Variants in GFRA2 observed in about 807,000 individuals in gnomAD.
GFRA2 encodes GDNF family receptor alpha-2.
Under a neutral mutation model 48.3 loss-of-function variants are expected in GFRA2, and 17 were observed. That is an observed-to-expected ratio of 0.35 (90% CI 0.24 to 0.53). The LOEUF is 0.53. Ranked by LOEUF, GFRA2 falls within the 20% of genes least tolerant of loss-of-function variation. The probability of loss-of-function intolerance (pLI) is 0.93; values close to 1 mark genes in which losing one functional copy is unlikely to be tolerated. For missense variants in GFRA2, 660 were observed against 637.3 expected (o/e 1.04, Z -0.38); for synonymous variants, 305 against 257.2 (o/e 1.19, Z -1.78).
intron 4 of GFRA2, among the ~76,000 whole-genome samples, chr8:21,736,048 C>T (rs1484249133): frequency 6.6e-6 from 1 of 152,258 alleles, no homozygotes; most frequent in African/African-American, 2.4e-5. Flanking sequence ...CTCCTCCCTT[C>T]ACCTTGGGAA....
intron 3 of GFRA2, among the ~76,000 whole-genome samples, chr8:21,761,667 T>G (rs1474677215): frequency 6.6e-6 from 1 of 152,230 alleles, no homozygotes; most frequent in Non-Finnish European, 1.5e-5. Context: ...AGGTGTCACC[T>G]GGCTGGGTGC....
chr8:21,715,645 C>T (rs1361794782), intron 4 of GFRA2, among the ~76,000 whole-genome samples: 11 of 151,714 alleles, frequency 7.3e-5, no homozygotes, highest in South Asian at 2.1e-4. Flanking sequence ...TGGGAAGCCA[C>T]GGCACCCCTT....
At chr8:21,763,362 T>A (rs1302164959) in intron 3 of GFRA2, among the ~76,000 whole-genome samples, 2 of 152,060 alleles carry the variant, frequency 1.3e-5, no homozygotes, top group Non-Finnish European at 2.9e-5. Context: ...TCCTGGGAAG[T>A]TCATGTCATC....
At chr8:21,767,439 G>A (rs368394145) in intron 3 of GFRA2, among the ~76,000 whole-genome samples, 21 of 152,250 alleles carry the variant, frequency 1.4e-4, no homozygotes, top group Non-Finnish European at 1.5e-5. Flanking sequence ...GTTCCTCACC[G>A]TGCACGGGGG....
At chr8:21,755,079 C>T (rs1037323076) in intron 3 of GFRA2, among the ~76,000 whole-genome samples, 5 of 151,992 alleles carry the variant, frequency 3.3e-5, no homozygotes, top group African/African-American at 1.2e-4. Flanking sequence ...GGGAGGAAGA[C>T]GCAGAGCATG....
intron 1 of GFRA2, chr8:21,783,133 G>A (rs1807096385): frequency 2.2e-5 from 15 of 679,060 alleles, no homozygotes; most frequent in African/African-American, 3.5e-5. Context: ...CCTCAGCAGC[G>A]GCCCTGGGCC....
chr8:21,704,965 G>T lies in GFRA2; in HGVS notation c.1045+20C>A, dbSNP rs1802665914. 3 of 1,596,330 alleles carry T rather than the reference G, an allele frequency of 1.9e-6. No individual in the cohort carries two copies. The highest frequency in any genetic ancestry group is 1.7e-6 in the Non-Finnish European group (2 of 1,168,082). ...GGGTGGGAGGGGCTGCTGGGGTTGG[G>T]GAGAACATCCAGAACTTACGGAGGC... On this transcript the variant is annotated intron_variant, in intron 6 of 8. Coordinates refer to ENST00000524240, the MANE Select transcript of GFRA2 (RefSeq NM_001495.5).
chr8:21,730,489 C>T (rs560080536), intron 4 of GFRA2, among the ~76,000 whole-genome samples: 1 of 152,296 alleles, frequency 6.6e-6, no homozygotes, highest in East Asian at 1.9e-4. Flanking sequence ...AAGGTCACTC[C>T]TCGGCCCCTA....
At chr8:21,745,096 G>A (rs923410838) in intron 4 of GFRA2, among the ~76,000 whole-genome samples, 16 of 152,226 alleles carry the variant, frequency 1.1e-4, no homozygotes, top group East Asian at 3.8e-4. Context: ...ACACTTTATC[G>A]CTGGTGACAT....
chr8:21,802,776 G>A (rs917262090), intron 2 of GFRA2, among the ~76,000 whole-genome samples: 1 of 152,182 alleles, frequency 6.6e-6, no homozygotes, highest in African/African-American at 2.4e-5. Flanking sequence ...ATAGTGGGGA[G>A]AAGGATTGAC....
chr8:21,705,241 G>A, intron 5 of GFRA2, 116 bp from the exon 6 acceptor site: 1 of 1,039,852 alleles, frequency 9.6e-7, no homozygotes, highest in Non-Finnish European at 1.4e-6. Flanking sequence ...CCTCTGACCT[G>A]GCCCCAAAAC....
chr8:21,742,272 G>T (rs1804784019), intron 4 of GFRA2, among the ~76,000 whole-genome samples: 1 of 152,164 alleles, frequency 6.6e-6, no homozygotes, highest in Non-Finnish European at 1.5e-5. Flanking sequence ...TGGCGGTGGG[G>T]CCCTCATGAC....
At chr8:21,764,000 CACACACACA>C (rs1442923768) in intron 3 of GFRA2, among the ~76,000 whole-genome samples, 3 of 116,300 alleles carry the variant, frequency 2.6e-5, no homozygotes, top group Non-Finnish European at 5.4e-5. Context: ...CACACACACA[CACACACACA>C]CCAGCTGACT....
chr8:21,707,522 C>G (rs10088934), intron 4 of GFRA2, among the ~76,000 whole-genome samples: 24,382 of 152,008 alleles, frequency 0.16, 2,114 homozygotes, highest in African/African-American at 0.21. Flanking sequence ...GAGGCCCCCG[C>G]GATCCTGAGG....
At chr8:21,758,304 G>A (rs549009570) in intron 3 of GFRA2, among the ~76,000 whole-genome samples, 95 of 152,122 alleles carry the variant, frequency 6.2e-4, no homozygotes, top group African/African-American at 1.7e-3. Flanking sequence ...ACCTAGGCAC[G>A]CCCTTCAACT....
At chr8:21,744,320 C>A (rs1804888957) in intron 4 of GFRA2, among the ~76,000 whole-genome samples, 1 of 152,176 alleles carries the variant, frequency 6.6e-6, no homozygotes. Context: ...AGGAAAGGGC[C>A]CAGGTTGCCA....
At chr8:21,693,836 C>T (rs1455837686) in intron 8 of GFRA2, among the ~76,000 whole-genome samples, 1 of 356 alleles carries the variant, frequency 2.8e-3, no homozygotes, top group African/African-American at 9.3e-3. Flanking sequence ...AGGGAGCCCA[C>T]ATTCGCCCTG....
chr8:21,787,978 G>A (rs1025820682), intron 1 of GFRA2, 142 bp downstream of exon 1: 3 of 444,574 alleles, frequency 6.7e-6, no homozygotes, highest in Non-Finnish European at 1.1e-5. Flanking sequence ...GGCCCCGCTC[G>A]GTTCGCCAGC....
intron 6 of GFRA2, among the ~76,000 whole-genome samples, chr8:21,703,292 G>GCC (rs1429449822): frequency 5.9e-5 from 9 of 152,130 alleles, no homozygotes; most frequent in Non-Finnish European, 1.3e-4. Flanking sequence ...GCCTAGGGGA[G>GCC]GAGGGGGCCA....
Sources: allele counts gnomAD v4.1 joint callset (sites outside exome capture counted in the v4.1 genomes callset), GRCh38; gene constraint gnomAD v4.1.1; transcripts MANE v1.5; gene names NCBI Gene and HGNC (gene_info 2026-07-23, HGNC 2026-07-21).